SCRG1: variants seen among roughly 807,000 people sequenced by gnomAD.
SCRG1 encodes the protein scrapie-responsive protein 1.
In SCRG1, 3 loss-of-function variants were observed where a neutral mutation model predicts 7.7. That is an observed-to-expected ratio of 0.39 (90% CI 0.18 to 1.01). SCRG1 has a LOEUF of 1.01. SCRG1 is among the 50% of genes least tolerant of loss of function. SCRG1 has a pLI of 0.36. For missense variants in SCRG1, 110 were observed against 117.2 expected (o/e 0.94, Z 0.28); for synonymous variants, 46 against 41.2 (o/e 1.12, Z -0.44).
chr4:173,431,352 T>C, the SCRG1 span, among the ~76,000 whole-genome samples: 6 of 151,814 alleles, frequency 4.0e-5, no homozygotes, highest in African/African-American at 1.2e-4. Flanking sequence ...TGAAAGTGAG[T>C]TTGGAAAGCA....
At chr4:173,416,971 C>T in the SCRG1 span, among the ~76,000 whole-genome samples, 1 of 144,598 alleles carries the variant, frequency 6.9e-6, no homozygotes, top group Non-Finnish European at 1.5e-5. Flanking sequence ...TCATCACACA[C>T]ACCACACACA....
chr4:173,395,116 G>A (rs1194494974), intron 1 of SCRG1, among the ~76,000 whole-genome samples: 1 of 152,032 alleles, frequency 6.6e-6, no homozygotes, highest in East Asian at 1.9e-4. Context: ...TCCTTCAATG[G>A]CCTTTCAGTC....
upstream of SCRG1, chr4:173,403,066 G>A (rs1739802970): frequency 6.6e-6 from 1 of 152,062 alleles, no homozygotes; most frequent in Admixed American, 6.6e-5. Flanking sequence ...ACTGAACCTT[G>A]GACATTTATG....
At chr4:173,500,662 T>C in the SCRG1 span, among the ~76,000 whole-genome samples, 1 of 152,264 alleles carries the variant, frequency 6.6e-6, no homozygotes, top group East Asian at 1.9e-4. Context: ...TTTTGGTATT[T>C]TTTGTAGAGA....
intron 2 of SCRG1, chr4:173,404,235 T>C (rs2088606275): frequency 6.6e-6 from 1 of 152,164 alleles, no homozygotes; most frequent in Non-Finnish European, 1.5e-5. Flanking sequence ...AATGAGAAAT[T>C]GGAGAACCTA....
chr4:173,429,488 G>T, the SCRG1 span, among the ~76,000 whole-genome samples: 1 of 151,928 alleles, frequency 6.6e-6, no homozygotes, highest in African/African-American at 2.4e-5. Flanking sequence ...GTAGAGACAG[G>T]GTCTTGCTAT....
chr4:173,416,937 CA>C, the SCRG1 span, among the ~76,000 whole-genome samples: 2 of 142,976 alleles, frequency 1.4e-5, no homozygotes, highest in Non-Finnish European at 1.5e-5. Flanking sequence ...CACACACACA[CA>C]CACACACACA....
At chr4:173,461,532 C>A in the SCRG1 span, among the ~76,000 whole-genome samples, 2 of 152,334 alleles carry the variant, frequency 1.3e-5, no homozygotes, top group South Asian at 4.1e-4. Context: ...AAAGCAAAAG[C>A]AGTTTAGATC....
the SCRG1 span, among the ~76,000 whole-genome samples, chr4:173,494,648 G>T: frequency 3.3e-5 from 5 of 152,220 alleles, no homozygotes; most frequent in Admixed American, 2.0e-4. Context: ...TTGGGCACCA[G>T]GAGGGCGAGA....
chr4:173,448,944 G>T, the SCRG1 span, among the ~76,000 whole-genome samples: 1 of 152,218 alleles, frequency 6.6e-6, no homozygotes, highest in African/African-American at 2.4e-5. Flanking sequence ...GTCTCAGAAA[G>T]TATTCTTTTG....
At chr4:173,448,757 C>T in the SCRG1 span, among the ~76,000 whole-genome samples, 24,097 of 152,142 alleles carry the variant, frequency 0.16, 2,116 homozygotes, top group Middle Eastern at 0.28. Flanking sequence ...ATTTATGGAT[C>T]GCTAGTTGTG....
chr4:173,486,010 C>T, the SCRG1 span, among the ~76,000 whole-genome samples: 5 of 152,134 alleles, frequency 3.3e-5, no homozygotes, highest in African/African-American at 1.2e-4. Context: ...TGTCTCTCTA[C>T]TCTCTTCATA....
At chr4:173,463,954 G>C in the SCRG1 span, among the ~76,000 whole-genome samples, 1 of 152,222 alleles carries the variant, frequency 6.6e-6, no homozygotes. Context: ...AACGGACAAT[G>C]GGGGGAGAAT....
At chr4:173,490,432 G>A in the SCRG1 span, among the ~76,000 whole-genome samples, 6 of 152,100 alleles carry the variant, frequency 3.9e-5, 1 homozygote, top group African/African-American at 1.4e-4. Context: ...ATTTCCCTCA[G>A]AGGCCCAGGA....
the SCRG1 span, among the ~76,000 whole-genome samples, chr4:173,518,869 G>T: frequency 5.7e-5 from 5 of 87,784 alleles, no homozygotes; most frequent in Admixed American, 1.5e-4. Context: ...CCCGCTTCCC[G>T]CCAGCATCTC....
At chr4:173,509,312 A>T in the SCRG1 span, among the ~76,000 whole-genome samples, 2 of 152,144 alleles carry the variant, frequency 1.3e-5, no homozygotes, top group African/African-American at 4.8e-5. The surrounding 1 kb of genome is among the most constrained non-coding windows in gnomAD (Gnocchi z 5.7). Flanking sequence ...TGAAGGCGGC[A>T]TCTGCCTGAA....
the SCRG1 span, among the ~76,000 whole-genome samples, chr4:173,454,499 A>T: frequency 9.9e-5 from 15 of 152,060 alleles, no homozygotes. Flanking sequence ...ACTCAATTTT[A>T]TTTTCTTCAC....
chr4:173,405,350 C>G (rs1233685278), intron 1 of SCRG1, among the ~76,000 whole-genome samples: 1 of 152,212 alleles, frequency 6.6e-6, no homozygotes, highest in African/African-American at 2.4e-5. Context: ...ACATACAGGT[C>G]AGGAACGTGA....
chr4:173,411,683 G>T, the SCRG1 span, among the ~76,000 whole-genome samples: 1 of 152,074 alleles, frequency 6.6e-6, no homozygotes, highest in Non-Finnish European at 1.5e-5. Flanking sequence ...GTGTAATGTA[G>T]CTTACAAGGC....
Sources: allele counts gnomAD v4.1 joint callset (sites outside exome capture counted in the v4.1 genomes callset), GRCh38; gene constraint gnomAD v4.1.1; non-coding constraint Gnocchi (gnomAD v3.1); transcripts MANE v1.5; gene names NCBI Gene and HGNC (gene_info 2026-07-23, HGNC 2026-07-21).